The following ATIC variants were observed in gnomAD, a reference collection of about 807,000 sequenced individuals.
The protein encoded by ATIC is bifunctional purine biosynthesis protein ATIC.
A neutral mutation model predicts 72.5 loss-of-function variants in ATIC; 64 were observed. The ratio of observed to expected loss-of-function variants is 0.88; its 90% CI spans 0.72 to 1.09. ATIC has a LOEUF of 1.09. Among genes scored for constraint, ATIC ranks in the 50% least tolerant of loss-of-function variants. ATIC has a pLI of 0.00. For synonymous variants in ATIC, 281 were observed against 267.1 expected, an observed-to-expected ratio of 1.05 and a Z score of -0.51; for missense variants, 787 against 732.4, an observed-to-expected ratio of 1.07 and a Z score of -0.86.
chr2:215,342,425 C>T (rs1473218852), intron 12 of ATIC, among the ~76,000 whole-genome samples: 1 of 152,042 alleles, frequency 6.6e-6, no homozygotes, highest in African/African-American at 2.4e-5. Flanking sequence ...GTAACCGTTA[C>T]CCTATTTCTC....
intron 12 of ATIC, 36 bp downstream of exon 12, chr2:215,338,943 C>G (rs1237738517): frequency 8.1e-6 from 13 of 1,609,942 alleles, no homozygotes; most frequent in Non-Finnish European, 1.0e-5. Flanking sequence ...CTGCTAGTAA[C>G]TTCCATTGGT....
intron 2 of ATIC, among the ~76,000 whole-genome samples, chr2:215,314,209 A>G (rs2052685144): frequency 6.6e-6 from 1 of 152,172 alleles, no homozygotes; most frequent in African/African-American, 2.4e-5. Flanking sequence ...TCTTCTATGA[A>G]AGGATAAGAA....
Position 215,346,133 on chromosome 2 carries a change from A to G in ATIC, c.1321-626A>G, listed in dbSNP as rs565712869. Among the ~76,000 whole-genome samples, 5 of 151,882 alleles carry G rather than the reference A, an allele frequency of 3.3e-5. No individual in the cohort carries two copies. The South Asian group carries it at 1.1e-3, about 32-fold the overall frequency. On this transcript the variant is annotated intron_variant, in intron 13 of 15. Transcript: ENST00000236959. ...AAAAGACTTTCAAGTAACCATAGTT[A>G]TTTTTGTGGTCATTAGTTTTATTTA...
chr2:215,362,738 T>C, the ATIC span: 1 of 153,754 alleles, frequency 6.5e-6, no homozygotes, highest in African/African-American at 2.4e-5. Flanking sequence ...CCTGAAGTTT[T>C]TACTGGAAAT....
downstream of ATIC, among the ~76,000 whole-genome samples, chr2:215,350,233 T>C (rs1575128184): frequency 6.6e-6 from 1 of 151,896 alleles, no homozygotes; most frequent in Admixed American, 6.6e-5. Flanking sequence ...GCCTCCCGGG[T>C]TCAAGCGATT....
rs1283698300 is a variant in ATIC, at chr2:215,335,341, C to T, written c.1008+337C>T. On this transcript the variant is annotated intron_variant, in intron 10 of 15. Coordinates refer to ENST00000236959, the MANE Select transcript of ATIC (RefSeq NM_004044.7). ...TGATGCGATATAATCCATCTTACTG[C>T]ATAGTGGGTAAAAAACAGAAACTAC... 4.6e-5 allele frequency among the ~76,000 whole-genome samples: 7 copies of T among 152,210 alleles called. No individual in the cohort carries two copies. In the South Asian group the frequency reaches 1.0e-3, roughly 23 times the overall value.
intron 13 of ATIC, 122 bp downstream of exon 13, chr2:215,344,993 G>T: frequency 9.8e-7 from 1 of 1,016,542 alleles, no homozygotes; most frequent in Non-Finnish European, 1.5e-6. Context: ...TTTGTCTTTT[G>T]TGTTTGTCAG....
chr2:215,359,417 T>C, the ATIC span, among the ~76,000 whole-genome samples: 3 of 151,992 alleles, frequency 2.0e-5, no homozygotes, highest in East Asian at 3.9e-4. Context: ...AGTGTGTAGA[T>C]TGGCATCGAG....
intron 12 of ATIC, among the ~76,000 whole-genome samples, chr2:215,343,888 G>A (rs2053045204): frequency 6.6e-6 from 1 of 152,086 alleles, no homozygotes; most frequent in African/African-American, 2.4e-5. Flanking sequence ...TTGTATTCAT[G>A]CCTGATACTA....
At chr2:215,366,813 AAACAT>A in the ATIC span, among the ~76,000 whole-genome samples, 1,289 of 152,344 alleles carry the variant, frequency 8.5e-3, 20 homozygotes, top group African/African-American at 0.03. Context: ...AACAGGTAAT[AAACAT>A]ACAAACTTAA....
chr2:215,341,023 A>C (rs2053013354), intron 12 of ATIC, among the ~76,000 whole-genome samples: 1 of 152,218 alleles, frequency 6.6e-6, no homozygotes. Flanking sequence ...GAGGGGCTGC[A>C]GCTTGCTCCC....
At chr2:215,339,179 A>G (rs1260714002) in intron 12 of ATIC, among the ~76,000 whole-genome samples, 1 of 152,218 alleles carries the variant, frequency 6.6e-6, no homozygotes, top group Non-Finnish European at 1.5e-5. Context: ...TGACTCCTGT[A>G]ACTTGGCTTT....
At chr2:215,331,468 C>T (rs2052894210) in intron 7 of ATIC, among the ~76,000 whole-genome samples, 1 of 151,052 alleles carries the variant, frequency 6.6e-6, no homozygotes, top group African/African-American at 2.4e-5. Flanking sequence ...CTACAACCTC[C>T]ACCTTCCAGG....
At chr2:215,362,272 TA>T in the ATIC span, 1 of 608,330 alleles carries the variant, frequency 1.6e-6, no homozygotes, top group Admixed American at 2.4e-5. Flanking sequence ...TACCATATCT[TA>T]TACCTACATC....
In ATIC at chr2:215,333,353, C is replaced by T. The variant is rs745674983; in HGVS notation, c.818C>T (p.Ala273Val). The T allele has an allele frequency of 1.2e-6, 2 of 1,613,814 alleles. No homozygotes were observed. Among genetic ancestry groups the T allele is most frequent in the Admixed American group, 1.7e-5 (1 of 60,012 alleles). Reference sequence around the variant, plus strand: ...GATTTTACTATTTTCTAACCAGGTGCTGCTGTTGGAATTCCACTCAGTGAA... The same window carrying T: ...GATTTTACTATTTTCTAACCAGGTGTTGCTGTTGGAATTCCACTCAGTGAA... ...ASFKHVSPAG[A>V]AVGIPLSEDE... The change falls in exon 9 of 16, where the codon GCT (alanine) becomes GTT (valine). Residue 273 changes from alanine (A) to valine (V), a missense_variant. Coordinates refer to ENST00000236959, the MANE Select transcript of ATIC (RefSeq NM_004044.7).
intron 12 of ATIC, among the ~76,000 whole-genome samples, chr2:215,340,267 C>T (rs938687006): frequency 6.6e-6 from 1 of 152,066 alleles, no homozygotes; most frequent in African/African-American, 2.4e-5. Context: ...GGGTGACTAC[C>T]ATCGTGTCAA....
chr2:215,334,504 C>CT (rs1302440455), intron 9 of ATIC, among the ~76,000 whole-genome samples: 1 of 152,090 alleles, frequency 6.6e-6, no homozygotes, highest in Non-Finnish European at 1.5e-5. Flanking sequence ...AACTTTACTA[C>CT]ATTTGGTTAG....
At chr2:215,327,123 C>A in intron 7 of ATIC, 145 bp downstream of exon 7, 1 of 1,334,766 alleles carries the variant, frequency 7.5e-7, no homozygotes, top group Non-Finnish European at 1.1e-6. Flanking sequence ...TGGTTTGAGA[C>A]GCCATTTGGA....
At chr2:215,358,079 A>G in the ATIC span, among the ~76,000 whole-genome samples, 3 of 152,208 alleles carry the variant, frequency 2.0e-5, no homozygotes, top group African/African-American at 7.2e-5. Flanking sequence ...CATTTCCTGT[A>G]CTTGTAATTT....
Sources: allele counts gnomAD v4.1 joint callset (sites outside exome capture counted in the v4.1 genomes callset), GRCh38; gene constraint gnomAD v4.1.1; transcripts MANE v1.5; gene names NCBI Gene and HGNC (gene_info 2026-07-23, HGNC 2026-07-21).